The following ARMH3 variants were observed in gnomAD, a reference collection of about 807,000 sequenced individuals.
ARMH3 encodes the protein armadillo-like helical domain-containing protein 3.
In ARMH3, 60 loss-of-function variants were observed where a neutral mutation model predicts 99.1. That is an observed-to-expected ratio of 0.61 (90% CI 0.49 to 0.75). The LOEUF (loss-of-function observed/expected upper bound fraction) is 0.75, where lower values mean the gene tolerates loss of function less well. Among genes scored for constraint, ARMH3 ranks in the 30% least tolerant of loss-of-function variants. The pLI is 0.00. For missense variants in ARMH3, 679 were observed against 843.1 expected (o/e 0.81, Z 2.41); for synonymous variants, 285 against 292.8 (o/e 0.97, Z 0.27).
intron 24 of ARMH3, among the ~76,000 whole-genome samples, chr10:101,858,781 A>C (rs902205303): frequency 1.4e-4 from 21 of 152,142 alleles, no homozygotes; most frequent in African/African-American, 4.6e-4. Flanking sequence ...TGATTTCCTC[A>C]CTGAAATCTC....
rs1414084421 is a variant in ARMH3, at chr10:102,052,367, G to A, written c.-12+3718C>T. On this transcript the variant is annotated intron_variant, in intron 1 of 25. Coordinates refer to ENST00000370033, the MANE Select transcript of ARMH3 (RefSeq NM_024541.3). Reference sequence around the variant, plus strand: ...GCCTCCTTAGTAGCTGGCACTACAGGCTCACACTGCCACACCCGGCTCATT... The same window carrying A: ...GCCTCCTTAGTAGCTGGCACTACAGACTCACACTGCCACACCCGGCTCATT... Among the ~76,000 whole-genome samples, 4 of 152,102 alleles carry A rather than the reference G, an allele frequency of 2.6e-5. No individual in the cohort carries two copies. In the East Asian group the frequency reaches 5.8e-4, roughly 22 times the overall value.
At chr10:101,947,097 G>GA (rs1301714152) in intron 22 of ARMH3, among the ~76,000 whole-genome samples, 1 of 151,846 alleles carries the variant, frequency 6.6e-6, no homozygotes, top group Non-Finnish European at 1.5e-5. Flanking sequence ...CTGAGGCAGA[G>GA]AATAGCTTGA....
At chr10:101,964,431 A>G (rs1845446894) in intron 20 of ARMH3, among the ~76,000 whole-genome samples, 1 of 152,198 alleles carries the variant, frequency 6.6e-6, no homozygotes, top group South Asian at 2.1e-4. Context: ...TTGTACACCC[A>G]TGTTTACAGC....
intron 14 of ARMH3, among the ~76,000 whole-genome samples, chr10:102,005,417 T>G (rs1425731888): frequency 6.6e-6 from 1 of 151,776 alleles, no homozygotes; most frequent in Non-Finnish European, 1.5e-5. Context: ...ATTTTGGGAT[T>G]TGGCTTTCAA....
At chr10:101,984,245 TA>T (rs1178315032) in intron 19 of ARMH3, among the ~76,000 whole-genome samples, 1 of 152,234 alleles carries the variant, frequency 6.6e-6, no homozygotes, top group Non-Finnish European at 1.5e-5. Flanking sequence ...TAAATCATCC[TA>T]ATTGTTTCCA....
intron 19 of ARMH3, among the ~76,000 whole-genome samples, chr10:101,983,173 G>A (rs1846307341): frequency 6.6e-6 from 1 of 152,240 alleles, no homozygotes; most frequent in South Asian, 2.1e-4. Context: ...GGTCACCAGG[G>A]AGACCAAGGC....
chr10:101,871,144 A>G (rs2067122524), intron 24 of ARMH3, among the ~76,000 whole-genome samples: 1 of 152,256 alleles, frequency 6.6e-6, no homozygotes, highest in African/African-American at 2.4e-5. Context: ...AAATAGGCAT[A>G]AAACAAGTAC....
intron 24 of ARMH3, among the ~76,000 whole-genome samples, chr10:101,885,029 A>C (rs1437005397): frequency 6.6e-6 from 1 of 152,228 alleles, no homozygotes; most frequent in Non-Finnish European, 1.5e-5. Context: ...TCCAAAGATG[A>C]TCTACAAATG....
intron 23 of ARMH3, among the ~76,000 whole-genome samples, chr10:101,914,887 C>T (rs1843013414): frequency 8.2e-6 from 1 of 121,870 alleles, no homozygotes; most frequent in Non-Finnish European, 1.8e-5. Flanking sequence ...AAAAAAAAAG[C>T]AAACTTATAA....
At chr10:101,864,078 A>G in intron 24 of ARMH3, among the ~76,000 whole-genome samples, 1 of 106,278 alleles carries the variant, frequency 9.4e-6, no homozygotes, top group East Asian at 2.9e-4. Context: ...AAAAAAAAAA[A>G]ACACACACAC....
intron 24 of ARMH3, among the ~76,000 whole-genome samples, chr10:101,880,404 G>T (rs1174867779): frequency 6.6e-6 from 1 of 152,132 alleles, no homozygotes; most frequent in Non-Finnish European, 1.5e-5. Flanking sequence ...CTCCCATGGG[G>T]AAAGTGGGTC....
intron 24 of ARMH3, among the ~76,000 whole-genome samples, chr10:101,868,683 C>A (rs988378361): frequency 6.6e-6 from 1 of 152,152 alleles, no homozygotes; most frequent in Non-Finnish European, 1.5e-5. Context: ...CCTTATGATT[C>A]TCTTAATAAC....
rs1282766715 is a variant in ARMH3 at position 102,036,056 on chromosome 10, G to A, written c.103-2717C>T. On this transcript the variant is annotated intron_variant, in intron 2 of 25. Transcript: ENST00000370033. ...AGGTGGGGAGCGTCTCCGCCCGGCC[G>A]CCCCGTCTGGGAAGTGAGGAGCACC... Among the ~76,000 whole-genome samples the A allele has an allele frequency of 2.6e-4, 38 of 147,702 alleles. 1 individual carries two copies. Among genetic ancestry groups the A allele is most frequent in the Non-Finnish European group, 1.3e-4 (9 of 66,758 alleles).
chr10:101,955,482 C>T lies in ARMH3; in HGVS notation c.1705+1115G>A, dbSNP rs1844988842. 3.3e-5 allele frequency among the ~76,000 whole-genome samples: 5 copies of T among 152,264 alleles called. No homozygotes were observed. In the South Asian group the frequency reaches 1.0e-3, roughly 32 times the overall value. On this transcript the variant is annotated intron_variant, in intron 22 of 25. Coordinates refer to ENST00000370033, the MANE Select transcript of ARMH3 (RefSeq NM_024541.3). ...AGCAAAGGTTCTCTTATAAAGTTCTCTTAAAAGTTTTCCTTCACTTCTCTA... is the reference window on the plus strand; with the variant it reads ...AGCAAAGGTTCTCTTATAAAGTTCTTTTAAAAGTTTTCCTTCACTTCTCTA...
At chr10:101,916,297 C>G (rs927879934) in intron 23 of ARMH3, among the ~76,000 whole-genome samples, 1 of 152,036 alleles carries the variant, frequency 6.6e-6, no homozygotes, top group Non-Finnish European at 1.5e-5. Context: ...CAAAATAACC[C>G]TCTCATCAGT....
intron 19 of ARMH3, among the ~76,000 whole-genome samples, chr10:101,986,958 T>C (rs1846539905): frequency 6.6e-6 from 1 of 152,076 alleles, no homozygotes; most frequent in African/African-American, 2.4e-5. Flanking sequence ...AAAAAGCGCC[T>C]AAGAAAGCAA....
chr10:102,006,597 T>C lies in ARMH3; in HGVS notation c.991A>G (p.Ser331Gly), dbSNP rs1361150869. 1.2e-6 allele frequency: 2 copies of C among 1,614,084 alleles called. No homozygotes were observed. Reference protein sequence around the residue: ...PEMGLVTTPVSPAPTTPVTPL... With the variant: ...PEMGLVTTPVGPAPTTPVTPL... ...GTGACTGGGGTTGTAGGAGCAGGACTGACAGGGGTCGTCACCAAGCCCATT... is the reference window on the plus strand; with the variant it reads ...GTGACTGGGGTTGTAGGAGCAGGACCGACAGGGGTCGTCACCAAGCCCATT... Residue 331 changes from serine (S) to glycine (G), a missense_variant, in exon 14 of 26, where the codon AGT (serine) becomes GGT (glycine). Physicochemically the swap from Ser to Gly is moderately conservative, Grantham distance 56. This residue lies in a region of ARMH3 where 389 missense variants were observed against 456.5 expected (regional missense o/e 0.85). Coordinates refer to ENST00000370033, the MANE Select transcript of ARMH3 (RefSeq NM_024541.3).
At chr10:101,989,687 C>T (rs890702884) in intron 19 of ARMH3, among the ~76,000 whole-genome samples, 13 of 152,222 alleles carry the variant, frequency 8.5e-5, no homozygotes, top group African/African-American at 3.1e-4. Flanking sequence ...TGCCACTGCA[C>T]TCCAGCCTAG....
At chr10:101,920,784 T>C (rs1224412278) in intron 23 of ARMH3, among the ~76,000 whole-genome samples, 1 of 152,152 alleles carries the variant, frequency 6.6e-6, no homozygotes, top group African/African-American at 2.4e-5. Flanking sequence ...AAATGTGGTA[T>C]ATACATACAA....
Sources: allele counts gnomAD v4.1 joint callset (sites outside exome capture counted in the v4.1 genomes callset), GRCh38; gene constraint gnomAD v4.1.1; regional missense constraint gnomAD v4.1.1; transcripts MANE v1.5; gene names NCBI Gene and HGNC (gene_info 2026-07-23, HGNC 2026-07-21).